The following PPP3CA variants were observed in gnomAD, a reference collection of about 807,000 sequenced individuals.
The protein encoded by PPP3CA is CAM-PRP catalytic subunit.
PPP3CA carries 14 observed loss-of-function variants against 66.5 expected under a neutral mutation model. That is an observed-to-expected ratio of 0.21 (90% confidence interval 0.14 to 0.33). PPP3CA has a LOEUF of 0.33. Ranked by LOEUF, PPP3CA falls within the 10% of genes least tolerant of loss-of-function variation. The pLI is 1.00. For synonymous variants in PPP3CA, 232 were observed against 226.2 expected (o/e 1.03, Z -0.23); for missense variants, 317 against 639.5 (o/e 0.50, Z 5.44).
rs190344671 is a variant in PPP3CA, at chr4:101,039,694, G to A, written c.1241+788C>T. 9.3e-4 allele frequency among the ~76,000 whole-genome samples: 134 copies of A among 144,222 alleles called. 11 individuals are homozygous for A. Among genetic ancestry groups the A allele is most frequent in the African/African-American group, 3.3e-3 (131 of 39,648 alleles). 94.6% of individuals were successfully genotyped at this position (144,222 alleles called of 152,430 possible). ...GAAATAGCAAGAGGAGAAATCAAAAGAGCCAGTGTCGATACTCTATGAGAA... is the reference window on the plus strand; with the variant it reads ...GAAATAGCAAGAGGAGAAATCAAAAAAGCCAGTGTCGATACTCTATGAGAA... On this transcript the variant is annotated intron_variant, in intron 11 of 13. Coordinates refer to ENST00000394854, the MANE Select transcript of PPP3CA (RefSeq NM_000944.5).
chr4:101,225,108 G>C (rs189234072), intron 1 of PPP3CA, among the ~76,000 whole-genome samples: 4 of 151,822 alleles, frequency 2.6e-5, no homozygotes, highest in Non-Finnish European at 5.9e-5. Flanking sequence ...AAAAGTTACT[G>C]TTCTGAGACT....
chr4:101,346,802 G>A lies in PPP3CA; in HGVS notation c.-6C>T. 1 of 1,610,124 alleles carries A rather than the reference G, an allele frequency of 6.2e-7. No individual in the cohort carries two copies. The highest frequency in any genetic ancestry group is 8.5e-7 in the Non-Finnish European group (1 of 1,178,646). On this transcript the variant is annotated 5_prime_UTR_variant, in exon 1 of 14. Coordinates refer to ENST00000394854, the MANE Select transcript of PPP3CA (RefSeq NM_000944.5). ...ATTGCCTTGGGCTCGGACATCTCCA[G>A]CTGCCGGAGGACAGCGACGCGCTGC...
At chr4:101,195,783 T>G (rs1347924327) in intron 2 of PPP3CA, 133 bp downstream of exon 2, 1 of 680,772 alleles carries the variant, frequency 1.5e-6, no homozygotes, top group African/African-American at 1.8e-5. Flanking sequence ...ACTACTCTAA[T>G]GTATAGATTC....
At chr4:101,151,191 T>C (rs1424133664) in intron 2 of PPP3CA, among the ~76,000 whole-genome samples, 1 of 152,354 alleles carries the variant, frequency 6.6e-6, no homozygotes, top group African/African-American at 2.4e-5. Flanking sequence ...TTGAATATAA[T>C]GGTTGAATAA....
chr4:101,329,759 A>C (rs897342989), intron 1 of PPP3CA, among the ~76,000 whole-genome samples: 1 of 152,164 alleles, frequency 6.6e-6, no homozygotes, highest in African/African-American at 2.4e-5. Flanking sequence ...GTGCTCCGTA[A>C]GTGGAACAAC....
Position 101,195,901 on chromosome 4 carries a change from CTCCT to C in PPP3CA, c.259+11_259+14del. 1 of 1,609,430 alleles carries C rather than the reference CTCCT, an allele frequency of 6.2e-7. No homozygotes were observed. Among genetic ancestry groups the C allele is most frequent in the Non-Finnish European group, 8.5e-7 (1 of 1,177,588 alleles). ...ATGTGTATACAAGTGGGCAACCTCC[CTCCT>C]CAGGACTTACCAGTGACTGGCGCAT... On this transcript the variant is annotated intron_variant, in intron 2 of 13. Coordinates refer to ENST00000394854, the MANE Select transcript of PPP3CA (RefSeq NM_000944.5).
chr4:101,293,564 C>T (rs942134103), intron 1 of PPP3CA, among the ~76,000 whole-genome samples: 2 of 152,188 alleles, frequency 1.3e-5, no homozygotes, highest in Non-Finnish European at 2.9e-5. Flanking sequence ...CTAGGCTTGA[C>T]GGTGGTATCA....
Position 101,114,144 on chromosome 4 carries a change from TA to T in PPP3CA, c.260-5067del, listed in dbSNP as rs542964219. 2.0e-5 allele frequency among the ~76,000 whole-genome samples: 3 copies of T among 152,238 alleles called. No individual in the cohort carries two copies. The South Asian group carries it at 6.2e-4, about 32-fold the overall frequency. On this transcript the variant is annotated intron_variant, in intron 2 of 13. Transcript: ENST00000394854. Reference sequence around the variant, plus strand: ...AACATAGATGCACAATACAAGTATTTAAAACACTCCTAGCGCTCTATGAAAA... The same window carrying T: ...AACATAGATGCACAATACAAGTATTTAAACACTCCTAGCGCTCTATGAAAA...
rs1288634449 is a variant in PPP3CA at position 101,124,777 on chromosome 4, AAGAAAGAAAGAAAGAAAGAAAG to A, written c.260-15721_260-15700del. On this transcript the variant is annotated intron_variant, in intron 2 of 13. Coordinates refer to ENST00000394854, the MANE Select transcript of PPP3CA (RefSeq NM_000944.5). The stretch of plus-strand genomic sequence containing the variant: ...AAAGAAAGAAAGAAAGAAAGAAAGA[AAGAAAGAAAGAAAGAAAGAAAG>A]AGAAAACTGTATTGGTGTTGAGGAG... 4.1e-3 allele frequency among the ~76,000 whole-genome samples: 534 copies of A among 130,126 alleles called. 11 individuals carry two copies. The highest frequency in any genetic ancestry group is 0.016 in the African/African-American group (487 of 30,776). 85.4% of individuals were successfully genotyped at this position (130,126 alleles called of 152,430 possible).
chr4:101,124,723 A>G lies in PPP3CA; in HGVS notation c.260-15645T>C, dbSNP rs865964623. ...AAAGAAAGAAAGAAAGAAAGAAAGA[A>G]AGAGAAAGAAAGAAAGAAAGAAAGA... On this transcript the variant is annotated intron_variant, in intron 2 of 13. Coordinates refer to ENST00000394854, the MANE Select transcript of PPP3CA (RefSeq NM_000944.5). 4.5e-3 allele frequency among the ~76,000 whole-genome samples: 217 copies of G among 48,012 alleles called. 1 individual carries two copies. The highest frequency in any genetic ancestry group is 0.03 in the East Asian group (53 of 1,796). 31.5% of individuals were successfully genotyped at this position (48,012 alleles called of 152,430 possible).
chr4:101,137,316 G>T (rs1184685692), intron 2 of PPP3CA, among the ~76,000 whole-genome samples: 2 of 152,054 alleles, frequency 1.3e-5, no homozygotes, highest in Non-Finnish European at 2.9e-5. Flanking sequence ...AGGCAAGATG[G>T]GGGGAGTAGT....
intron 2 of PPP3CA, among the ~76,000 whole-genome samples, chr4:101,130,347 A>G (rs1722390345): frequency 6.6e-6 from 1 of 152,194 alleles, no homozygotes; most frequent in Non-Finnish European, 1.5e-5. Flanking sequence ...ATCCAGGAGA[A>G]CTTCCTCAAC....
intron 2 of PPP3CA, among the ~76,000 whole-genome samples, chr4:101,167,261 T>A (rs1341914540): frequency 5.3e-5 from 8 of 152,166 alleles, no homozygotes; most frequent in Non-Finnish European, 1.2e-4. Flanking sequence ...TAAGGCACCT[T>A]AAGAACAAAT....
At chr4:101,216,619 C>T (rs1725465440) in intron 1 of PPP3CA, among the ~76,000 whole-genome samples, 1 of 152,096 alleles carries the variant, frequency 6.6e-6, no homozygotes. Flanking sequence ...TTCACTGCAG[C>T]CTTGACCTCC....
At chr4:101,337,004 T>C (rs1390473452) in intron 1 of PPP3CA, among the ~76,000 whole-genome samples, 1 of 152,118 alleles carries the variant, frequency 6.6e-6, no homozygotes, top group Non-Finnish European at 1.5e-5. Context: ...AAATAGAGGG[T>C]TCTGAGCCAG....
At chr4:101,035,919 T>TCTC (rs1727223672) in intron 11 of PPP3CA, among the ~76,000 whole-genome samples, 1 of 152,198 alleles carries the variant, frequency 6.6e-6, no homozygotes. Flanking sequence ...TCCTTCTCCT[T>TCTC]CTCTGACATC....
intron 1 of PPP3CA, among the ~76,000 whole-genome samples, chr4:101,250,751 C>T (rs1255529950): frequency 6.6e-6 from 1 of 151,706 alleles, no homozygotes; most frequent in African/African-American, 2.4e-5. Flanking sequence ...TTTTTTCTTC[C>T]CTGAGGTTAA....
chr4:101,165,708 G>T (rs920723141), intron 2 of PPP3CA, among the ~76,000 whole-genome samples: 1 of 152,040 alleles, frequency 6.6e-6, no homozygotes, highest in African/African-American at 2.4e-5. Context: ...GCACAAAGCA[G>T]CCTTTTATGA....
At chr4:101,278,647 G>A (rs909291626) in intron 1 of PPP3CA, among the ~76,000 whole-genome samples, 1 of 152,120 alleles carries the variant, frequency 6.6e-6, no homozygotes, top group Non-Finnish European at 1.5e-5. Context: ...GAGGTGTGTC[G>A]GCAATGTTAT....
Sources: gnomAD v4.1 joint callset for allele counts (sites outside exome capture counted in the v4.1 genomes callset) on GRCh38, gnomAD v4.1.1 for gene constraint, MANE v1.5 for transcripts, NCBI Gene and HGNC (gene_info 2026-07-23, HGNC 2026-07-21) for gene names.